The following SEM1 variants were observed in gnomAD, a reference collection of about 807,000 sequenced individuals.
SEM1 encodes 26S proteasome complex subunit SEM1.
A neutral mutation model predicts 12.7 loss-of-function variants in SEM1; 3 were observed. The ratio of observed to expected loss-of-function variants is 0.24; its 90% CI spans 0.11 to 0.61. The LOEUF (loss-of-function observed/expected upper bound fraction) is 0.61, where lower values mean the gene tolerates loss of function less well. SEM1 is among the 20% of genes least tolerant of loss of function. The pLI is 0.88. For synonymous variants in SEM1, 30 were observed against 27.8 expected, an observed-to-expected ratio of 1.08 and a Z score of -0.25; for missense variants, 59 against 81.3, an observed-to-expected ratio of 0.73 and a Z score of 1.06.
rs556063713 is a variant in SEM1 at position 96,501,616 on chromosome 7, T to C, written c.*60+5007A>G. Among the ~76,000 whole-genome samples the C allele has an allele frequency of 7.9e-5, 12 of 152,332 alleles. No individual in the cohort carries two copies. In the South Asian group the frequency reaches 1.0e-3, roughly 13 times the overall value. ...TGTCATTGAGCACACTGAACTATGT[T>C]AACTAAAATTTATTGGATGTTTAGT... On this transcript the variant is annotated intron_variant and NMD_transcript_variant, in intron 3 of 3. Transcript: ENST00000466986.
chr7:96,568,507 G>T (rs1259858105), intron 2 of SEM1, among the ~76,000 whole-genome samples: 1 of 151,626 alleles, frequency 6.6e-6, no homozygotes, highest in Non-Finnish European at 1.5e-5. Context: ...ATTTCCTCAA[G>T]TTTATTTTAT....
intron 2 of SEM1, among the ~76,000 whole-genome samples, chr7:96,615,241 C>CTTTTTTTTTTTTTTTTTTTTTTTTTTTTT (rs60940244): frequency 4.0e-5 from 5 of 126,412 alleles, no homozygotes; most frequent in African/African-American, 1.6e-4. Context: ...TTTGAGTCAT[C>CTTTTTTTTTTTTTTTTTTTTTTTTTTTTT]TTTTTTTTTT....
chr7:96,519,002 C>A (rs530823973), intron 2 of SEM1, among the ~76,000 whole-genome samples: 1 of 152,116 alleles, frequency 6.6e-6, no homozygotes, highest in Non-Finnish European at 1.5e-5. Flanking sequence ...TTCCATGTAA[C>A]ACACATGTGC....
At chr7:96,495,343 C>G (rs146098983) in intron 1 of SEM1, among the ~76,000 whole-genome samples, 3 of 152,142 alleles carry the variant, frequency 2.0e-5, no homozygotes, top group Admixed American at 2.0e-4. Flanking sequence ...TTCTCTTTCA[C>G]TGCTCTTAGG....
intron 2 of SEM1, among the ~76,000 whole-genome samples, chr7:96,555,436 T>A (rs1805452236): frequency 6.8e-6 from 1 of 146,192 alleles, no homozygotes; most frequent in Non-Finnish European, 1.5e-5. Flanking sequence ...TCTGCCTTCA[T>A]TTCGTTATGT....
intron 2 of SEM1, among the ~76,000 whole-genome samples, chr7:96,613,914 A>G (rs1369255312): frequency 2.0e-5 from 3 of 152,254 alleles, no homozygotes; most frequent in Non-Finnish European, 4.4e-5. Flanking sequence ...TCCATTTTGT[A>G]TCTATACCAC....
intron 2 of SEM1, among the ~76,000 whole-genome samples, chr7:96,539,545 A>G (rs1804885733): frequency 6.6e-6 from 1 of 151,872 alleles, no homozygotes; most frequent in South Asian, 2.1e-4. Flanking sequence ...ATAAAATTCT[A>G]GAAGAATTAG....
At chr7:96,576,600 C>T (rs941171367) in intron 2 of SEM1, among the ~76,000 whole-genome samples, 1 of 152,206 alleles carries the variant, frequency 6.6e-6, no homozygotes, top group African/African-American at 2.4e-5. Flanking sequence ...AAATACATAT[C>T]TTGCCTTCTA....
At chr7:96,637,136 G>A (rs774740901) in intron 2 of SEM1, 5 of 151,894 alleles carry the variant, frequency 3.3e-5, no homozygotes, top group Non-Finnish European at 7.4e-5. Flanking sequence ...ATCTGTTGTG[G>A]AGAGGGTATA....
chr7:96,670,581 AGTGTTT>A (rs1207419948), downstream of SEM1, among the ~76,000 whole-genome samples: 2 of 152,160 alleles, frequency 1.3e-5, no homozygotes, highest in African/African-American at 2.4e-5. Flanking sequence ...TGTGTGACCT[AGTGTTT>A]GTGTTTAAGT....
intron 2 of SEM1, among the ~76,000 whole-genome samples, chr7:96,567,175 A>C (rs1805866885): frequency 6.6e-6 from 1 of 151,634 alleles, no homozygotes; most frequent in African/African-American, 2.4e-5. Flanking sequence ...TGCTGCCTTC[A>C]AAATATTGAG....
chr7:96,534,709 G>A (rs1468699686), intron 2 of SEM1, among the ~76,000 whole-genome samples: 1 of 151,982 alleles, frequency 6.6e-6, no homozygotes. Context: ...TCAAAACAAC[G>A]TATCGCAATA....
intron 2 of SEM1, among the ~76,000 whole-genome samples, chr7:96,567,495 T>A (rs1253534736): frequency 2.0e-5 from 2 of 98,612 alleles, no homozygotes; most frequent in Non-Finnish European, 5.6e-5. Flanking sequence ...CAAACCTTTG[T>A]ATTTTTTTTC....
chr7:96,668,115 G>C (rs10255976), intron 2 of SEM1, among the ~76,000 whole-genome samples: 50,627 of 152,056 alleles, frequency 0.33, 9,956 homozygotes, highest in African/African-American at 0.56. Context: ...AAAGTGATAG[G>C]CATTGAGAAA....
At chr7:96,522,914 G>C (rs1205520410) in intron 2 of SEM1, among the ~76,000 whole-genome samples, 1 of 141,592 alleles carries the variant, frequency 7.1e-6, no homozygotes, top group Non-Finnish European at 1.5e-5. Flanking sequence ...AAAAAAAAGA[G>C]AGATGTTGTT....
chr7:96,652,791 C>G (rs975907257), intron 2 of SEM1, among the ~76,000 whole-genome samples: 1 of 152,124 alleles, frequency 6.6e-6, no homozygotes, highest in Non-Finnish European at 1.5e-5. Context: ...ACACTCATAT[C>G]GTTAATCACT....
rs776805463 is a variant in SEM1, at chr7:96,694,808, T to G, written c.160A>C (p.Asn54His). The G allele has an allele frequency of 2.5e-6, 4 of 1,605,084 alleles. No individual in the cohort carries two copies. The highest frequency in any genetic ancestry group is 3.4e-6 in the Non-Finnish European group (4 of 1,172,476). ...TGGCTTAAAACTTACCGTAACTGAT[T>G]AGAGAAGTCATCCTCTACATTGTCA... ...DDDNVEDDFS[N>H]QLRAELEKHG... The change falls in exon 2 of 3, where the codon AAT (asparagine) becomes CAT (histidine). Residue 54 changes from asparagine to histidine, a missense_variant. Transcript: ENST00000248566.
chr7:96,657,339 A>G (rs908136855), intron 2 of SEM1, among the ~76,000 whole-genome samples: 3 of 152,208 alleles, frequency 2.0e-5, no homozygotes, highest in Admixed American at 6.5e-5. Flanking sequence ...GCTTTCAGGG[A>G]TAAATGAATT....
intron 2 of SEM1, among the ~76,000 whole-genome samples, chr7:96,565,032 A>G (rs889167799): frequency 1.3e-5 from 2 of 152,014 alleles, no homozygotes; most frequent in African/African-American, 2.4e-5. Flanking sequence ...ACAGAGAAAG[A>G]TAGATTACAC....
Sources: allele counts gnomAD v4.1 joint callset (sites outside exome capture counted in the v4.1 genomes callset), GRCh38; gene constraint gnomAD v4.1.1; transcripts MANE v1.5; gene names NCBI Gene and HGNC (gene_info 2026-07-23, HGNC 2026-07-21).